BFSP2: variants seen among roughly 807,000 people sequenced by gnomAD.
BFSP2 encodes phakinin.
A neutral mutation model predicts 44.9 loss-of-function variants in BFSP2; 38 were observed. The ratio of observed to expected loss-of-function variants is 0.85; its 90% CI spans 0.65 to 1.11. The LOEUF (loss-of-function observed/expected upper bound fraction) is 1.11, where lower values mean the gene tolerates loss of function less well. Ranked by LOEUF, BFSP2 falls within the 50% of genes least tolerant of loss-of-function variation. BFSP2 has a pLI of 0.00. For synonymous variants in BFSP2, 197 were observed against 209.9 expected (o/e 0.94, Z 0.53); for missense variants, 525 against 533.0 (o/e 0.99, Z 0.15).
intron 1 of BFSP2, among the ~76,000 whole-genome samples, chr3:133,446,587 T>C (rs2073900975): frequency 8.2e-5 from 1 of 12,126 alleles, no homozygotes; most frequent in African/African-American, 2.6e-4. Context: ...TATATATATA[T>C]ATATATATAT....
intron 1 of BFSP2, among the ~76,000 whole-genome samples, chr3:133,416,443 C>A (rs1399843138): frequency 6.9e-6 from 1 of 144,138 alleles, no homozygotes; most frequent in Non-Finnish European, 1.5e-5. Context: ...GTCGTCTCCC[C>A]TCTACTCATG....
intron 4 of BFSP2, among the ~76,000 whole-genome samples, chr3:133,454,456 C>A (rs2073995105): frequency 6.6e-6 from 1 of 152,192 alleles, no homozygotes; most frequent in African/African-American, 2.4e-5. Context: ...TCAATTCAAT[C>A]CTGACACTAC....
intron 2 of BFSP2, 26 bp from the exon 3 acceptor site, chr3:133,448,463 T>G (rs200481807): frequency 1.9e-6 from 3 of 1,613,008 alleles, no homozygotes; most frequent in South Asian, 2.2e-5. Context: ...TACTCAGTTA[T>G]GCTAATTAAG....
intron 1 of BFSP2, among the ~76,000 whole-genome samples, chr3:133,419,481 G>C (rs1169474931): frequency 6.6e-6 from 1 of 152,144 alleles, no homozygotes; most frequent in Non-Finnish European, 1.5e-5. Context: ...AAGGGTAGGC[G>C]GGCCCACAGT....
intron 1 of BFSP2, among the ~76,000 whole-genome samples, chr3:133,431,680 A>C (rs114384372): frequency 6.6e-6 from 1 of 152,002 alleles, no homozygotes. Flanking sequence ...GGGTAAGTCC[A>C]TCCCCTTCTT....
chr3:133,453,703 C>T (rs1172217418), intron 4 of BFSP2, among the ~76,000 whole-genome samples: 2 of 152,188 alleles, frequency 1.3e-5, no homozygotes, highest in Non-Finnish European at 2.9e-5. Flanking sequence ...TTCAGAGAAA[C>T]TCTCAGGCAA....
At chr3:133,427,228 A>G (rs896818374) in intron 1 of BFSP2, among the ~76,000 whole-genome samples, 2 of 152,234 alleles carry the variant, frequency 1.3e-5, no homozygotes, top group Non-Finnish European at 2.9e-5. Flanking sequence ...GTGCAATTGC[A>G]ATGTTCTCCT....
chr3:133,472,258 C>G (rs538751574), intron 5 of BFSP2, 87 bp from the exon 6 acceptor site: 1 of 1,423,868 alleles, frequency 7.0e-7, no homozygotes, highest in South Asian at 1.2e-5. Context: ...CAGGCTACCA[C>G]CAGCCCCTGC....
intron 4 of BFSP2, among the ~76,000 whole-genome samples, chr3:133,453,404 G>T (rs2107929139): frequency 6.6e-6 from 1 of 152,276 alleles, no homozygotes; most frequent in Non-Finnish European, 1.5e-5. Flanking sequence ...TCTTAGTTTA[G>T]GTTCCTTCAG....
chr3:133,450,257 T>A, intron 3 of BFSP2, 46 bp from the exon 4 acceptor site: 1 of 1,608,296 alleles, frequency 6.2e-7, no homozygotes, highest in East Asian at 2.2e-5. Context: ...TCTATGCCAT[T>A]TATTTCCCCC....
At chr3:133,468,012 T>C (rs2074128345) in intron 5 of BFSP2, among the ~76,000 whole-genome samples, 2 of 152,190 alleles carry the variant, frequency 1.3e-5, no homozygotes, top group South Asian at 4.1e-4. Flanking sequence ...ATGGGTATGA[T>C]AGTCACAGTC....
chr3:133,431,535 C>T (rs560126949), intron 1 of BFSP2, among the ~76,000 whole-genome samples: 1 of 152,294 alleles, frequency 6.6e-6, no homozygotes, highest in East Asian at 1.9e-4. Context: ...ACTCCCAGAG[C>T]CCCTGGAACT....
intron 1 of BFSP2, among the ~76,000 whole-genome samples, chr3:133,434,260 T>C (rs1037128321): frequency 6.6e-6 from 1 of 152,188 alleles, no homozygotes; most frequent in African/African-American, 2.4e-5. Flanking sequence ...CATTTAGTTT[T>C]TCAATTCATA....
intron 1 of BFSP2, among the ~76,000 whole-genome samples, chr3:133,424,039 CTT>C (rs148089425): frequency 1.4e-5 from 2 of 141,050 alleles, no homozygotes; most frequent in Non-Finnish European, 1.5e-5. Context: ...TTCTCTTCTG[CTT>C]TTTTTTTTTG....
At chr3:133,433,993 A>G (rs1028256025) in intron 1 of BFSP2, among the ~76,000 whole-genome samples, 3 of 152,156 alleles carry the variant, frequency 2.0e-5, no homozygotes, top group Non-Finnish European at 4.4e-5. Flanking sequence ...CTGTCTAATC[A>G]TACTCCTATT....
At chr3:133,411,384 A>T (rs1192814877) in intron 1 of BFSP2, among the ~76,000 whole-genome samples, 2 of 151,972 alleles carry the variant, frequency 1.3e-5, no homozygotes, top group Non-Finnish European at 2.9e-5. Context: ...GAAAAATAAT[A>T]GAATTATTAA....
In BFSP2 at chr3:133,472,388, A is replaced by T; in HGVS notation, c.1067A>T (p.His356Leu). The stretch of plus-strand genomic sequence containing the variant: ...ACCTTGCACGATGCCAAGCACTGGC[A>T]TGACATGGAGCTCCAGAACCTGGGC... ...ENTLHDAKHW[H>L]DMELQNLGAV... The change falls in exon 6 of 7, where the codon CAT becomes CTT. Residue 356 changes from histidine (H) to leucine (L), a missense_variant. Coordinates refer to ENST00000302334, the MANE Select transcript of BFSP2 (RefSeq NM_003571.4). 1 of 1,614,020 alleles carries T rather than the reference A, an allele frequency of 6.2e-7. No individual in the cohort carries two copies.
At chr3:133,463,501 T>A (rs531477812) in intron 4 of BFSP2, among the ~76,000 whole-genome samples, 5 of 152,238 alleles carry the variant, frequency 3.3e-5, no homozygotes, top group Non-Finnish European at 5.9e-5. Context: ...TGTCCGCATG[T>A]GCGATGGCCT....
At chr3:133,431,663 C>G (rs1006230257) in intron 1 of BFSP2, among the ~76,000 whole-genome samples, 49 of 152,108 alleles carry the variant, frequency 3.2e-4, no homozygotes, top group African/African-American at 1.1e-3. Flanking sequence ...GTAACTCTCA[C>G]AGCGGAGGGT....
Sources: allele counts gnomAD v4.1 joint callset (sites outside exome capture counted in the v4.1 genomes callset), GRCh38; gene constraint gnomAD v4.1.1; transcripts MANE v1.5; gene names NCBI Gene and HGNC (gene_info 2026-07-23, HGNC 2026-07-21).